Variants in SPIDR observed in about 807,000 individuals in gnomAD.
SPIDR encodes the protein scaffold protein involved in DNA repair, also known as DNA repair-scaffolding protein.
SPIDR carries 93 observed loss-of-function variants against 104.6 expected under a neutral mutation model. The ratio of observed to expected loss-of-function variants is 0.89; its 90% CI spans 0.75 to 1.06. The LOEUF (loss-of-function observed/expected upper bound fraction) is 1.06. SPIDR is among the 50% of genes least tolerant of loss of function. SPIDR has a pLI of 0.00. For missense variants in SPIDR, 1,154 were observed against 1,111.2 expected, an observed-to-expected ratio of 1.04 and a Z score of -0.55; for synonymous variants, 431 against 416.9, an observed-to-expected ratio of 1.03 and a Z score of -0.41.
intron 6 of SPIDR, among the ~76,000 whole-genome samples, chr8:47,399,467 C>G (rs1466653581): frequency 1.3e-5 from 2 of 152,178 alleles, no homozygotes; most frequent in African/African-American, 4.8e-5. Flanking sequence ...TAGGGCAGTC[C>G]TTCATTAGCT....
intron 8 of SPIDR, among the ~76,000 whole-genome samples, chr8:47,589,710 G>GTGA (rs2154418288): frequency 6.6e-6 from 1 of 152,234 alleles, no homozygotes; most frequent in South Asian, 2.1e-4. Flanking sequence ...CTTGTGATAT[G>GTGA]TACAGGGCCT....
intron 5 of SPIDR, among the ~76,000 whole-genome samples, chr8:47,320,802 T>A (rs2046401630): frequency 6.6e-6 from 1 of 152,064 alleles, no homozygotes; most frequent in Non-Finnish European, 1.5e-5. Context: ...CATATGCAAA[T>A]CAATAAACAT....
chr8:47,434,202 A>G (rs2154340695), intron 7 of SPIDR, among the ~76,000 whole-genome samples: 1 of 152,328 alleles, frequency 6.6e-6, no homozygotes, highest in East Asian at 1.9e-4. Context: ...AGTGTTTATT[A>G]AAGACAGAGG....
rs2061944020 is a variant in SPIDR at position 47,598,975 on chromosome 8, G to C, written c.1323G>C (p.Gly441=). 6.2e-7 allele frequency: 1 copy of C among 1,613,774 alleles called. No individual in the cohort carries two copies. Among genetic ancestry groups the C allele is most frequent in the African/African-American group, 1.3e-5 (1 of 74,896 alleles). ...TGTGTAGTGGTGTAGCCACTACAGG[G>C]ACAGCCTGGACCCATGGGCACAAAG... ...QVVCSGVATT[G]TAWTHGHKEA... The change falls in exon 10 of 20, where the codon GGG becomes GGC. Residue 441 remains glycine (G), a synonymous_variant. Transcript: ENST00000297423.
At chr8:47,329,749 C>T (rs1275168985) in intron 5 of SPIDR, among the ~76,000 whole-genome samples, 5 of 152,036 alleles carry the variant, frequency 3.3e-5, no homozygotes, top group South Asian at 2.1e-4. Flanking sequence ...AGCAAGTATA[C>T]GTTTATAGTG....
chr8:47,619,311 G>T (rs902660982), intron 10 of SPIDR, among the ~76,000 whole-genome samples: 6 of 152,108 alleles, frequency 3.9e-5, no homozygotes, highest in Non-Finnish European at 8.8e-5. Flanking sequence ...TGTCTTTTTG[G>T]TGTTAACAGA....
intron 5 of SPIDR, among the ~76,000 whole-genome samples, chr8:47,299,004 G>A (rs1171778071): frequency 6.6e-6 from 1 of 152,152 alleles, no homozygotes; most frequent in African/African-American, 2.4e-5. Flanking sequence ...GTCATTGGTA[G>A]CTTGATGGGG....
At chr8:47,572,521 G>T (rs1164043466) in intron 8 of SPIDR, among the ~76,000 whole-genome samples, 2 of 152,010 alleles carry the variant, frequency 1.3e-5, no homozygotes, top group African/African-American at 4.8e-5. Flanking sequence ...AGTTAGCTGG[G>T]CATGGTGGCG....
Position 47,701,936 on chromosome 8 carries a change from CT to C in SPIDR, c.1918-16del, listed in dbSNP as rs779871487. The C allele has an allele frequency of 6.2e-7, 1 of 1,614,064 alleles. No individual in the cohort carries two copies. The highest frequency in any genetic ancestry group is 1.1e-5 in the South Asian group (1 of 91,076). On this transcript the variant is annotated intron_variant, in intron 13 of 19. Transcript: ENST00000297423. ...GTGTGCTTCGTGTAATGCTGCCAAC[CT>C]TTTCTAATTCCTTTCCAGATGAATG...
intron 6 of SPIDR, among the ~76,000 whole-genome samples, chr8:47,407,316 G>A (rs544222994): frequency 5.3e-4 from 80 of 152,252 alleles, no homozygotes; most frequent in Middle Eastern, 3.4e-3. Flanking sequence ...TCCAAATAAG[G>A]GACCCATACC....
At chr8:47,396,990 C>G (rs957543598) in intron 6 of SPIDR, among the ~76,000 whole-genome samples, 6 of 151,676 alleles carry the variant, frequency 4.0e-5, no homozygotes, top group African/African-American at 1.2e-4. Flanking sequence ...GCAACACTTG[C>G]AAGTGCAAAA....
rs4587339 is a variant in SPIDR at position 47,318,635 on chromosome 8, G to A, written c.525+24605G>A. 3.4e-3 allele frequency among the ~76,000 whole-genome samples: 489 copies of A among 144,772 alleles called. 4 individuals carry two copies. Among genetic ancestry groups the A allele is most frequent in the East Asian group, 0.011 (51 of 4,676 alleles). The allele number at this position is 144,772 out of a possible 152,430, so 95.0% of individuals were successfully genotyped here. ...GTCGAGAAGAGCAACTCCAAGACAC[G>A]TAATTCTCAGATTCACCAAAGTTGA... On this transcript the variant is annotated intron_variant, in intron 5 of 19. Coordinates refer to ENST00000297423, the MANE Select transcript of SPIDR (RefSeq NM_001080394.4).
Position 47,713,577 on chromosome 8 carries a change from T to C in SPIDR, c.2277T>C (p.Pro759=), listed in dbSNP as rs1218814122. ...VVSGASSCEL[P]GPVMLDSLDS... is the part of the protein sequence containing the mutation. The stretch of plus-strand genomic sequence containing the variant: ...CTGGTGCAAGTTCCTGTGAGCTGCC[T>C]GGCCCGGTGATGCTCGACAGCCTGG... The change falls in exon 16 of 20, where the codon CCT becomes CCC. Residue 759 remains proline (P), a synonymous_variant. Transcript: ENST00000297423. 6.2e-7 allele frequency: 1 copy of C among 1,614,212 alleles called. No individual in the cohort carries two copies. Among genetic ancestry groups the C allele is most frequent in the Non-Finnish European group, 8.5e-7 (1 of 1,180,040 alleles).
chr8:47,623,545 C>G (rs917061233), intron 10 of SPIDR, among the ~76,000 whole-genome samples: 56 of 152,122 alleles, frequency 3.7e-4, no homozygotes, highest in Non-Finnish European at 6.9e-4. Context: ...GGAGGAAGAT[C>G]TACCAAGCAA....
chr8:47,342,894 T>C (rs1283893166), intron 5 of SPIDR, among the ~76,000 whole-genome samples: 1 of 152,168 alleles, frequency 6.6e-6, no homozygotes, highest in African/African-American at 2.4e-5. Context: ...ATGTACATAA[T>C]TTATAAAAAC....
At chr8:47,299,619 C>T (rs1252275425) in intron 5 of SPIDR, among the ~76,000 whole-genome samples, 8 of 151,786 alleles carry the variant, frequency 5.3e-5, no homozygotes, top group African/African-American at 1.7e-4. Flanking sequence ...TTTTGAGATA[C>T]GTCCCATCAA....
At chr8:47,631,250 G>GC (rs1169208856) in intron 10 of SPIDR, among the ~76,000 whole-genome samples, 1 of 152,210 alleles carries the variant, frequency 6.6e-6, no homozygotes, top group Non-Finnish European at 1.5e-5. Flanking sequence ...ACTTGTGACT[G>GC]CCCCAAGGCT....
At chr8:47,692,554 A>G (rs1241936456) in intron 11 of SPIDR, among the ~76,000 whole-genome samples, 1 of 141,708 alleles carries the variant, frequency 7.1e-6, no homozygotes, top group Non-Finnish European at 1.5e-5. Flanking sequence ...CTGGAGTGCA[A>G]TGGTGCGATC....
chr8:47,486,167 T>C (rs548008423), intron 8 of SPIDR, among the ~76,000 whole-genome samples: 15 of 152,286 alleles, frequency 9.8e-5, no homozygotes, highest in East Asian at 1.9e-4. Flanking sequence ...AATGACCTGA[T>C]TGAGCTGAAA....
Sources: allele counts gnomAD v4.1 joint callset (sites outside exome capture counted in the v4.1 genomes callset), GRCh38; gene constraint gnomAD v4.1.1; transcripts MANE v1.5; gene names NCBI Gene and HGNC (gene_info 2026-07-23, HGNC 2026-07-21).